Variants in CORO2A observed in about 807,000 individuals in gnomAD.
CORO2A encodes coronin 2A, also known as coronin-2A.
Under a neutral mutation model 62.4 loss-of-function variants are expected in CORO2A, and 47 were observed. The observed-to-expected ratio is 0.75, with a 90% CI of 0.60 to 0.96. CORO2A has a LOEUF of 0.96. Among genes scored for constraint, CORO2A ranks in the 40% least tolerant of loss-of-function variants. CORO2A has a pLI of 0.00. For missense variants in CORO2A, 610 were observed against 684.1 expected, an observed-to-expected ratio of 0.89 and a Z score of 1.21; for synonymous variants, 273 against 268.9, an observed-to-expected ratio of 1.02 and a Z score of -0.15.
intron 1 of CORO2A, among the ~76,000 whole-genome samples, chr9:98,165,264 G>A (rs901435465): frequency 1.3e-5 from 2 of 152,152 alleles, no homozygotes; most frequent in Admixed American, 6.5e-5. Flanking sequence ...TGGCTTACAC[G>A]TAACAATTCT....
chr9:98,186,285 G>GT (rs1828238076), intron 1 of CORO2A, among the ~76,000 whole-genome samples: 1 of 152,120 alleles, frequency 6.6e-6, no homozygotes, highest in Admixed American at 6.5e-5. Flanking sequence ...GGCTGGCGGG[G>GT]GGAGGGGCTA....
At chr9:98,140,584 C>T (rs550659868) in intron 2 of CORO2A, among the ~76,000 whole-genome samples, 1 of 152,174 alleles carries the variant, frequency 6.6e-6, no homozygotes, top group South Asian at 2.1e-4. Flanking sequence ...CTAAGAACTA[C>T]AGGCATGTGT....
At chr9:98,141,903 T>C (rs1827573554) in intron 2 of CORO2A, among the ~76,000 whole-genome samples, 1 of 151,978 alleles carries the variant, frequency 6.6e-6, no homozygotes, top group African/African-American at 2.4e-5. Context: ...GCTACTATTA[T>C]ATGTATATGT....
In CORO2A at chr9:98,134,872, T is replaced by A. The variant is rs1348070252; in HGVS notation, c.402A>T (p.Arg134Ser). The change falls in exon 4 of 12, where the codon AGA becomes AGT. Residue 134 changes from arginine to serine, a missense_variant. Transcript: ENST00000375077. ...YRKELVGHAR[R>S]VGLVEWHPTA... is the part of the protein sequence containing the mutation. ...TGGGGTGCCACTCCACCAGGCCTAC[T>A]CTGCGCGCGTGGCCCACGAGTTCCT... is the stretch of plus-strand genomic sequence containing the variant. 1.2e-6 allele frequency: 2 copies of A among 1,614,142 alleles called. No homozygotes were observed. The highest frequency in any genetic ancestry group is 1.3e-5 in the African/African-American group (1 of 75,060).
intron 5 of CORO2A, among the ~76,000 whole-genome samples, 175 bp downstream of exon 5, chr9:98,132,863 T>C (rs1205244487): frequency 1.3e-5 from 2 of 152,182 alleles, no homozygotes; most frequent in African/African-American, 4.8e-5. Flanking sequence ...ATCTGCAAAA[T>C]GGAAAGGACA....
intron 1 of CORO2A, among the ~76,000 whole-genome samples, chr9:98,162,366 G>A (rs536405695): frequency 1.6e-4 from 24 of 152,312 alleles, no homozygotes; most frequent in African/African-American, 5.5e-4. Flanking sequence ...AAGCTAGCTA[G>A]AACCCTCTGG....
At chr9:98,165,319 G>A (rs758607762) in intron 1 of CORO2A, among the ~76,000 whole-genome samples, 6 of 152,198 alleles carry the variant, frequency 3.9e-5, no homozygotes, top group Admixed American at 6.5e-5. Flanking sequence ...TTGTCTGCGA[G>A]AGAGGAGGCT....
Position 98,124,761 on chromosome 9 carries a change from C to A in CORO2A, c.*13G>T. ...GTGGTGTCCCTGAGGGTGAGGAGGG[C>A]AGAGGTCTCTGCTCAGAGCTGCTCT... On this transcript the variant is annotated 3_prime_UTR_variant, in exon 12 of 12. Coordinates refer to ENST00000375077, the MANE Select transcript of CORO2A (RefSeq NM_052820.4). 6.2e-7 allele frequency: 1 copy of A among 1,604,174 alleles called. No homozygotes were observed. The highest frequency in any genetic ancestry group is 8.5e-7 in the Non-Finnish European group (1 of 1,174,936).
At chr9:98,153,392 C>G (rs1335397577) in intron 2 of CORO2A, among the ~76,000 whole-genome samples, 1 of 146,478 alleles carries the variant, frequency 6.8e-6, no homozygotes, top group Non-Finnish European at 1.5e-5. Flanking sequence ...TAAGCCAGCG[C>G]ATCCGGCTGA....
chr9:98,174,730 G>C (rs780841143), intron 1 of CORO2A, among the ~76,000 whole-genome samples: 1 of 152,154 alleles, frequency 6.6e-6, no homozygotes, highest in Non-Finnish European at 1.5e-5. Flanking sequence ...GAAGGTGCCA[G>C]CTTCCCCTTC....
chr9:98,140,634 G>A (rs1827552644), intron 2 of CORO2A, among the ~76,000 whole-genome samples: 1 of 152,054 alleles, frequency 6.6e-6, no homozygotes, highest in Admixed American at 6.5e-5. Context: ...TTGTAGAGAT[G>A]GGGTCTTGCT....
chr9:98,176,101 G>A (rs979193475), intron 1 of CORO2A, among the ~76,000 whole-genome samples: 2 of 152,248 alleles, frequency 1.3e-5, no homozygotes, highest in Non-Finnish European at 1.5e-5. Context: ...TCCTCAAAGC[G>A]GCAATATCAA....
intron 11 of CORO2A, among the ~76,000 whole-genome samples, chr9:98,126,322 C>T (rs115559008): frequency 1.6e-4 from 24 of 152,308 alleles, no homozygotes; most frequent in African/African-American, 5.3e-4. Flanking sequence ...GAGTGAGCCA[C>T]TGTGCCCAGC....
At chr9:98,153,933 C>T (rs1174452332) in intron 2 of CORO2A, among the ~76,000 whole-genome samples, 12 of 152,236 alleles carry the variant, frequency 7.9e-5, no homozygotes, top group African/African-American at 2.9e-4. Context: ...TTATCAAACA[C>T]TTTTTCTCCA....
At chr9:98,144,998 G>C (rs1305924869) in intron 2 of CORO2A, among the ~76,000 whole-genome samples, 1 of 152,120 alleles carries the variant, frequency 6.6e-6, no homozygotes, top group African/African-American at 2.4e-5. Context: ...GGAGAGATGA[G>C]AGGAGCATTT....
At chr9:98,160,115 C>G (rs757450247) in intron 1 of CORO2A, among the ~76,000 whole-genome samples, 143 of 152,212 alleles carry the variant, frequency 9.4e-4, no homozygotes, top group Non-Finnish European at 1.8e-3. Context: ...GAAATTCCAA[C>G]TCTCCTTTCG....
chr9:98,160,670 G>T (rs75773291), intron 1 of CORO2A, among the ~76,000 whole-genome samples: 3,568 of 152,240 alleles, frequency 0.023, 115 homozygotes, highest in African/African-American at 0.081. Context: ...AAATCAGCAG[G>T]CTCCGCTCCA....
chr9:98,142,248 CCT>C (rs1827578914), intron 2 of CORO2A, among the ~76,000 whole-genome samples: 1 of 152,214 alleles, frequency 6.6e-6, no homozygotes. Context: ...CTCTCTCGGA[CCT>C]CAGACTTGGG....
At chr9:98,163,701 A>T (rs143499832) in intron 1 of CORO2A, among the ~76,000 whole-genome samples, 4 of 147,842 alleles carry the variant, frequency 2.7e-5, no homozygotes, top group East Asian at 2.1e-4. Context: ...CTTTCTTGAC[A>T]TACATGCGGG....
Sources: allele counts gnomAD v4.1 joint callset (sites outside exome capture counted in the v4.1 genomes callset), GRCh38; gene constraint gnomAD v4.1.1; transcripts MANE v1.5; gene names NCBI Gene and HGNC (gene_info 2026-07-23, HGNC 2026-07-21).